The following CHST9 variants were observed in gnomAD, a reference collection of about 807,000 sequenced individuals.
The protein encoded by CHST9 is GalNAc-4-sulfotransferase 2.
Under a neutral mutation model 44.4 loss-of-function variants are expected in CHST9, and 41 were observed. That is an observed-to-expected ratio of 0.92 (90% confidence interval 0.72 to 1.20). The LOEUF (loss-of-function observed/expected upper bound fraction) is 1.20. Ranked by LOEUF, CHST9 falls within the 50% of genes most tolerant of loss-of-function variation. The pLI is 0.00. For synonymous variants in CHST9, 171 were observed against 178.4 expected (o/e 0.96, Z 0.33); for missense variants, 504 against 516.5 (o/e 0.98, Z 0.23).
At chr18:26,980,727 T>C (rs1247575114) in intron 4 of CHST9, among the ~76,000 whole-genome samples, 2 of 152,100 alleles carry the variant, frequency 1.3e-5, no homozygotes, top group Non-Finnish European at 2.9e-5. Context: ...TTAAAAAAAG[T>C]CCACACTTTT....
intron 1 of CHST9, among the ~76,000 whole-genome samples, chr18:27,149,405 G>C (rs541277483): frequency 2.5e-4 from 38 of 152,110 alleles, no homozygotes; most frequent in African/African-American, 8.9e-4. Context: ...AGTATTCCAC[G>C]GTATAGACGT....
At chr18:27,065,228 C>T (rs748389283) in intron 2 of CHST9, among the ~76,000 whole-genome samples, 2 of 152,130 alleles carry the variant, frequency 1.3e-5, no homozygotes, top group East Asian at 1.9e-4. Flanking sequence ...TAAGAATCTT[C>T]GAGGTATTTT....
chr18:27,157,998 C>T (rs1167287447), intron 1 of CHST9, among the ~76,000 whole-genome samples: 1 of 152,058 alleles, frequency 6.6e-6, no homozygotes, highest in Non-Finnish European at 1.5e-5. Flanking sequence ...CCTCATCAAA[C>T]CTCTCTAAAC....
chr18:27,161,410 G>A (rs1421528387), intron 1 of CHST9, among the ~76,000 whole-genome samples: 1 of 152,178 alleles, frequency 6.6e-6, no homozygotes, highest in Non-Finnish European at 1.5e-5. Context: ...TTTCCATGTA[G>A]TTGAGCAGTT....
intron 5 of CHST9, chr18:26,934,456 G>C (rs2055947608): frequency 6.6e-6 from 1 of 151,970 alleles, no homozygotes; most frequent in African/African-American, 2.4e-5. Flanking sequence ...GGATGGTCTC[G>C]ATTTCCTGAC....
At chr18:26,997,233 T>A (rs769392755) in intron 4 of CHST9, among the ~76,000 whole-genome samples, 18 of 152,212 alleles carry the variant, frequency 1.2e-4, no homozygotes, top group Non-Finnish European at 1.8e-4. Context: ...GTGGAACAAC[T>A]TTCTTAAAAT....
intron 1 of CHST9, among the ~76,000 whole-genome samples, chr18:27,184,715 AC>A (rs1324547578): frequency 1.3e-5 from 2 of 150,506 alleles, no homozygotes; most frequent in Admixed American, 1.3e-4. Context: ...GGCAGCAGAA[AC>A]TAAAGACTGT....
intron 1 of CHST9, among the ~76,000 whole-genome samples, chr18:27,160,397 T>C (rs1354319581): frequency 6.6e-6 from 1 of 152,240 alleles, no homozygotes; most frequent in African/African-American, 2.4e-5. Flanking sequence ...GTTCTGTTTA[T>C]ATGCTGGATT....
chr18:26,963,077 A>T (rs1356453562), intron 4 of CHST9, among the ~76,000 whole-genome samples: 7 of 152,198 alleles, frequency 4.6e-5, no homozygotes, highest in African/African-American at 1.7e-4. Context: ...TCGTTCAGAA[A>T]ATACTGAGGG....
At chr18:26,919,030 G>C (rs2055594437) in intron 5 of CHST9, among the ~76,000 whole-genome samples, 1 of 152,180 alleles carries the variant, frequency 6.6e-6, no homozygotes, top group South Asian at 2.1e-4. Flanking sequence ...TGGCAGGCAA[G>C]AGGGAGAGTG....
intron 2 of CHST9, among the ~76,000 whole-genome samples, chr18:27,067,179 A>T (rs2057790484): frequency 6.6e-6 from 1 of 152,108 alleles, no homozygotes; most frequent in Non-Finnish European, 1.5e-5. Context: ...TGGGAATGTC[A>T]CTAGTGGATA....
chr18:26,988,851 T>C (rs2056784232), intron 4 of CHST9, among the ~76,000 whole-genome samples: 1 of 152,120 alleles, frequency 6.6e-6, no homozygotes, highest in Non-Finnish European at 1.5e-5. Context: ...TTTCTGGCCA[T>C]AATGGAATTA....
At chr18:27,114,196 G>C (rs974176359) in intron 2 of CHST9, among the ~76,000 whole-genome samples, 9 of 152,158 alleles carry the variant, frequency 5.9e-5, no homozygotes, top group Non-Finnish European at 8.8e-5. Context: ...TTTTATGTTT[G>C]AGGATTATGA....
At chr18:27,140,115 T>C (rs191826981) in intron 2 of CHST9, among the ~76,000 whole-genome samples, 109 of 152,308 alleles carry the variant, frequency 7.2e-4, no homozygotes, top group African/African-American at 2.5e-3. Context: ...ATCTGTGCTA[T>C]AGAGAAATAA....
At chr18:27,004,281 CA>C (rs1391569627) in intron 4 of CHST9, among the ~76,000 whole-genome samples, 3 of 151,178 alleles carry the variant, frequency 2.0e-5, no homozygotes, top group Non-Finnish European at 4.4e-5. Flanking sequence ...AAAGAGGCCA[CA>C]AGAAAGCAAT....
rs776795366 is a variant in CHST9 at position 27,048,474 on chromosome 18, C to CT, written c.150dup (p.Val51SerfsTer38). The CT allele has an allele frequency of 1.2e-5, 19 of 1,607,816 alleles. No homozygotes were observed. Among genetic ancestry groups the CT allele is most frequent in the Non-Finnish European group, 1.6e-5 (19 of 1,177,092 alleles). On this transcript the variant is annotated frameshift_variant, in exon 3 of 6. Coordinates refer to ENST00000618847, the MANE Select transcript of CHST9 (RefSeq NM_031422.6). LOFTEE classifies it high-confidence loss of function. Reference sequence around the variant, plus strand: ...TTGGACAAAATCTTACCTGAAGTTACTTTTTGTTCTCTTCTCTTCTCCACT... The same window carrying CT: ...TTGGACAAAATCTTACCTGAAGTTACTTTTTTGTTCTCTTCTCTTCTCCACT...
At chr18:26,996,686 C>G (rs2056891725) in intron 4 of CHST9, among the ~76,000 whole-genome samples, 1 of 152,174 alleles carries the variant, frequency 6.6e-6, no homozygotes, top group Non-Finnish European at 1.5e-5. Flanking sequence ...GATACAGACT[C>G]TAGTTAAAGT....
intron 2 of CHST9, among the ~76,000 whole-genome samples, chr18:27,140,765 A>G (rs556070960): frequency 1.3e-5 from 2 of 152,216 alleles, no homozygotes; most frequent in Non-Finnish European, 2.9e-5. Flanking sequence ...AGGAGGAATT[A>G]GCCTATATAT....
chr18:27,002,782 A>G (rs1490037756), intron 4 of CHST9, among the ~76,000 whole-genome samples: 2 of 152,206 alleles, frequency 1.3e-5, no homozygotes, highest in Non-Finnish European at 2.9e-5. Flanking sequence ...CAAATATTCT[A>G]TCTTCCTAGG....
Sources: gnomAD v4.1 joint callset for allele counts (sites outside exome capture counted in the v4.1 genomes callset) on GRCh38, gnomAD v4.1.1 for gene constraint, MANE v1.5 for transcripts, NCBI Gene and HGNC (gene_info 2026-07-23, HGNC 2026-07-21) for gene names.